The following CACNA2D3 variants were observed in gnomAD, a reference collection of about 807,000 sequenced individuals.
The protein encoded by CACNA2D3 is voltage-dependent calcium channel subunit alpha-2/delta-3.
CACNA2D3 carries 60 observed loss-of-function variants against 160.6 expected under a neutral mutation model. That is an observed-to-expected ratio of 0.37 (90% CI 0.30 to 0.46). The LOEUF (loss-of-function observed/expected upper bound fraction) is 0.46. CACNA2D3 is among the 20% of genes least tolerant of loss of function. The probability of loss-of-function intolerance (pLI) is 1.00; values close to 1 mark genes in which losing one functional copy is unlikely to be tolerated. For missense variants in CACNA2D3, 1,205 were observed against 1,365.0 expected (o/e 0.88, Z 1.85); for synonymous variants, 558 against 492.9 (o/e 1.13, Z -1.75).
intron 2 of CACNA2D3, among the ~76,000 whole-genome samples, chr3:54,309,718 A>C (rs1703692681): frequency 6.6e-6 from 1 of 151,838 alleles, no homozygotes; most frequent in South Asian, 2.1e-4. Context: ...CATTTAGACC[A>C]CACCGTTCCT....
chr3:54,862,737 C>T (rs1389229665), intron 17 of CACNA2D3, among the ~76,000 whole-genome samples: 2 of 152,102 alleles, frequency 1.3e-5, no homozygotes, highest in Non-Finnish European at 2.9e-5. Context: ...GAACTACTTA[C>T]CACAGGAGGA....
At chr3:54,493,077 T>G (rs1701139250) in intron 4 of CACNA2D3, among the ~76,000 whole-genome samples, 1 of 123,516 alleles carries the variant, frequency 8.1e-6, no homozygotes, top group Admixed American at 8.4e-5. Flanking sequence ...TTTTTTTTTT[T>G]TTTTTTTTTT....
At chr3:54,883,381 C>T (rs1171038529) in intron 21 of CACNA2D3, among the ~76,000 whole-genome samples, 3 of 152,104 alleles carry the variant, frequency 2.0e-5, no homozygotes, top group Non-Finnish European at 2.9e-5. Flanking sequence ...GAGCTTATGT[C>T]ATTATTGTCA....
intron 2 of CACNA2D3, among the ~76,000 whole-genome samples, chr3:54,172,342 C>T (rs1700589937): frequency 6.6e-6 from 1 of 152,252 alleles, no homozygotes; most frequent in African/African-American, 2.4e-5. Context: ...ACACACAGCA[C>T]TGCTGCAAGC....
chr3:54,164,260 C>T (rs1700406395), intron 2 of CACNA2D3, among the ~76,000 whole-genome samples: 1 of 152,210 alleles, frequency 6.6e-6, no homozygotes, highest in Non-Finnish European at 1.5e-5. Context: ...ACCCCCTCTC[C>T]CCAAACCCTC....
At chr3:54,377,694 A>C (rs1253081911) in intron 3 of CACNA2D3, among the ~76,000 whole-genome samples, 1 of 152,176 alleles carries the variant, frequency 6.6e-6, no homozygotes, top group African/African-American at 2.4e-5. Flanking sequence ...CCTGGATTCA[A>C]ACTCTTGTCT....
In CACNA2D3 at chr3:54,644,286, TTATCA is replaced by T. The variant is rs1699589101; in HGVS notation, c.1167+2046_1167+2050del. On this transcript the variant is annotated intron_variant, in intron 11 of 37. Coordinates refer to ENST00000474759, the MANE Select transcript of CACNA2D3 (RefSeq NM_018398.3). Reference sequence around the variant, plus strand: ...CATTACTTAAAGCAGTTTCATCTACTTATCAAGTATTATCAAGCAGAAGTGGATTT... The same window carrying T: ...CATTACTTAAAGCAGTTTCATCTACTAGTATTATCAAGCAGAAGTGGATTT... Among the ~76,000 whole-genome samples, 3 of 152,204 alleles carry T rather than the reference TTATCA, an allele frequency of 2.0e-5. No individual in the cohort carries two copies. In the South Asian group the frequency reaches 6.2e-4, roughly 32 times the overall value.
At chr3:54,939,199 A>G (rs1701398821) in intron 27 of CACNA2D3, among the ~76,000 whole-genome samples, 1 of 152,208 alleles carries the variant, frequency 6.6e-6, no homozygotes, top group Admixed American at 6.5e-5. Flanking sequence ...TCTCAGACAC[A>G]GGGTGCTTTA....
intron 9 of CACNA2D3, among the ~76,000 whole-genome samples, chr3:54,592,123 A>G (rs970968725): frequency 5.3e-5 from 8 of 152,216 alleles, no homozygotes; most frequent in Non-Finnish European, 1.2e-4. Context: ...TGGTTTCACA[A>G]TACTCGGGTG....
At chr3:54,228,987 G>A (rs992581668) in intron 2 of CACNA2D3, among the ~76,000 whole-genome samples, 3 of 152,146 alleles carry the variant, frequency 2.0e-5, no homozygotes, top group East Asian at 1.9e-4. Flanking sequence ...GGTATCTCCC[G>A]TGGAGTCAGA....
At chr3:54,379,615 C>G (rs1189737221) in intron 3 of CACNA2D3, among the ~76,000 whole-genome samples, 1 of 152,184 alleles carries the variant, frequency 6.6e-6, no homozygotes, top group Non-Finnish European at 1.5e-5. Context: ...GTTGTGGCCT[C>G]TGTGTAGGTC....
intron 2 of CACNA2D3, among the ~76,000 whole-genome samples, chr3:54,182,160 C>CA (rs1303524012): frequency 2.0e-5 from 3 of 152,180 alleles, no homozygotes; most frequent in African/African-American, 7.2e-5. Context: ...TGAAAAATGA[C>CA]AGTGTTTTGG....
intron 11 of CACNA2D3, among the ~76,000 whole-genome samples, chr3:54,698,022 G>A (rs1038645221): frequency 2.0e-5 from 3 of 152,114 alleles, no homozygotes; most frequent in African/African-American, 4.8e-5. Flanking sequence ...GTTTATTGCC[G>A]ATATTTTTAG....
At chr3:55,018,872 G>A (rs1381814138) in intron 35 of CACNA2D3, among the ~76,000 whole-genome samples, 2 of 151,036 alleles carry the variant, frequency 1.3e-5, no homozygotes, top group Non-Finnish European at 1.5e-5. Context: ...TTTCTCTTTC[G>A]GATACTATTT....
In CACNA2D3 at chr3:54,452,731, A is replaced by G. The variant is rs1319831019; in HGVS notation, c.382-50761A>G. 2.0e-5 allele frequency among the ~76,000 whole-genome samples: 3 copies of G among 152,288 alleles called. No individual in the cohort carries two copies. In the East Asian group the frequency reaches 5.8e-4, roughly 29 times the overall value. The stretch of plus-strand genomic sequence containing the variant: ...TTGTGGCTTAAAACAACAGGAATTT[A>G]TTTCATGGTTCTGGAGGCTTGATGT... On this transcript the variant is annotated intron_variant, in intron 4 of 37. Transcript: ENST00000474759.
intron 32 of CACNA2D3, among the ~76,000 whole-genome samples, chr3:55,005,169 G>A (rs1703066135): frequency 1.3e-5 from 2 of 151,968 alleles, no homozygotes; most frequent in Admixed American, 1.3e-4. Context: ...CCAGCTACTC[G>A]GGAGGCTGAG....
At chr3:54,847,901 T>C (rs571209359) in intron 17 of CACNA2D3, among the ~76,000 whole-genome samples, 1 of 152,238 alleles carries the variant, frequency 6.6e-6, no homozygotes, top group African/African-American at 2.4e-5. Context: ...AGTGTGTATT[T>C]ATTCCAAATT....
intron 5 of CACNA2D3, among the ~76,000 whole-genome samples, chr3:54,546,572 T>C (rs1702068604): frequency 6.6e-6 from 1 of 152,216 alleles, no homozygotes; most frequent in African/African-American, 2.4e-5. Flanking sequence ...GTCATGATCC[T>C]GCATGTGAAG....
chr3:55,025,318 G>A (rs1304330957), intron 35 of CACNA2D3, among the ~76,000 whole-genome samples: 2 of 152,136 alleles, frequency 1.3e-5, no homozygotes, highest in Non-Finnish European at 2.9e-5. Flanking sequence ...GTGCTTTGGG[G>A]AATGCCAAGA....
Sources: gnomAD v4.1 joint callset for allele counts (sites outside exome capture counted in the v4.1 genomes callset) on GRCh38, gnomAD v4.1.1 for gene constraint, MANE v1.5 for transcripts, NCBI Gene and HGNC (gene_info 2026-07-23, HGNC 2026-07-21) for gene names.